EPB41L2: variants seen among roughly 807,000 people sequenced by gnomAD.
The protein encoded by EPB41L2 is band 4.1-like protein 2.
A neutral mutation model predicts 113.0 loss-of-function variants in EPB41L2; 43 were observed. The ratio of observed to expected loss-of-function variants is 0.38; its 90% CI spans 0.30 to 0.49. EPB41L2 has a LOEUF of 0.49. Among genes scored for constraint, EPB41L2 ranks in the 20% least tolerant of loss-of-function variants. The pLI is 0.95. For synonymous variants in EPB41L2, 442 were observed against 436.7 expected, an observed-to-expected ratio of 1.01 and a Z score of -0.15; for missense variants, 1,147 against 1,223.4, an observed-to-expected ratio of 0.94 and a Z score of 0.93.
At chr6:131,036,104 T>G (rs1349377554) in intron 1 of EPB41L2, among the ~76,000 whole-genome samples, 1 of 152,186 alleles carries the variant, frequency 6.6e-6, no homozygotes, top group East Asian at 1.9e-4. Context: ...ATTTTTCTAT[T>G]TGTAATTTCA....
chr6:130,906,838 A>G (rs1156245610), intron 5 of EPB41L2, among the ~76,000 whole-genome samples: 3 of 152,146 alleles, frequency 2.0e-5, no homozygotes, highest in Non-Finnish European at 4.4e-5. Flanking sequence ...CTAAAGCTTC[A>G]TTTCCTCAGC....
intron 1 of EPB41L2, among the ~76,000 whole-genome samples, chr6:131,026,739 C>T (rs1181790349): frequency 3.3e-5 from 5 of 152,166 alleles, no homozygotes; most frequent in Non-Finnish European, 7.3e-5. Context: ...CCATACCACA[C>T]CTTAACAGCT....
At chr6:131,006,743 T>A (rs1438950034) in intron 1 of EPB41L2, among the ~76,000 whole-genome samples, 1 of 152,004 alleles carries the variant, frequency 6.6e-6, no homozygotes, top group African/African-American at 2.4e-5. Context: ...TGGTCATGAC[T>A]CTCTAATACT....
chr6:130,888,497 A>T (rs1791764263), intron 11 of EPB41L2, among the ~76,000 whole-genome samples: 1 of 152,192 alleles, frequency 6.6e-6, no homozygotes, highest in African/African-American at 2.4e-5. Context: ...TGTATACCTC[A>T]AAGAAAATGC....
intron 1 of EPB41L2, among the ~76,000 whole-genome samples, chr6:131,008,783 T>C (rs929076276): frequency 2.6e-5 from 4 of 152,244 alleles, no homozygotes; most frequent in Admixed American, 6.5e-5. Context: ...TACTGCCCTA[T>C]TGGATTTCAA....
At chr6:130,966,445 C>A (rs1775207567) in intron 1 of EPB41L2, among the ~76,000 whole-genome samples, 1 of 152,156 alleles carries the variant, frequency 6.6e-6, no homozygotes, top group African/African-American at 2.4e-5. Flanking sequence ...ACAGACATCA[C>A]ATCTTATAGG....
chr6:130,946,542 T>C (rs1812876489), intron 3 of EPB41L2, among the ~76,000 whole-genome samples: 1 of 152,134 alleles, frequency 6.6e-6, no homozygotes, highest in Non-Finnish European at 1.5e-5. Context: ...GTTGTCTTTA[T>C]CTAATTCCTG....
In EPB41L2 at chr6:130,955,977, A is replaced by T. The variant is rs752805691; in HGVS notation, c.492+17T>A. ...GCTATCAGGTTTTCATTTCCAGGCA[A>T]TTATTCCCAAACATACCTGCATCTC... On this transcript the variant is annotated intron_variant, in intron 2 of 19. Transcript: ENST00000337057. 29 of 1,593,356 alleles carry T rather than the reference A, an allele frequency of 1.8e-5. No individual in the cohort carries two copies. In the South Asian group the frequency reaches 3.3e-4, roughly 18 times the overall value.
chr6:130,904,249 C>T (rs1797088775), intron 6 of EPB41L2, among the ~76,000 whole-genome samples: 1 of 152,038 alleles, frequency 6.6e-6, no homozygotes, highest in Admixed American at 6.5e-5. Context: ...ATTTTCATTA[C>T]TAGAATATAA....
At chr6:130,920,925 C>T (rs947662366) in intron 4 of EPB41L2, among the ~76,000 whole-genome samples, 4 of 152,154 alleles carry the variant, frequency 2.6e-5, no homozygotes, top group African/African-American at 7.2e-5. Flanking sequence ...GTTCCATCTC[C>T]GCTCCCTAGC....
chr6:130,896,304 T>C (rs1794641423), intron 8 of EPB41L2, among the ~76,000 whole-genome samples: 1 of 152,208 alleles, frequency 6.6e-6, no homozygotes, highest in African/African-American at 2.4e-5. Flanking sequence ...TCCAATCAAT[T>C]GCTTTACTCA....
chr6:130,861,839 T>G (rs937565156), intron 18 of EPB41L2, among the ~76,000 whole-genome samples: 1 of 145,364 alleles, frequency 6.9e-6, no homozygotes, highest in Admixed American at 7.2e-5. Flanking sequence ...GCCACTGCAC[T>G]CCAGTCTGGG....
At chr6:130,867,619 G>GTAA in intron 15 of EPB41L2, 38 bp from the exon 16 acceptor site, 1 of 1,610,464 alleles carries the variant, frequency 6.2e-7, no homozygotes, top group Non-Finnish European at 8.5e-7. Flanking sequence ...AATTCTAGAG[G>GTAA]TAATAAAGTA....
At chr6:131,005,896 G>C (rs925796091) in intron 1 of EPB41L2, among the ~76,000 whole-genome samples, 3 of 152,070 alleles carry the variant, frequency 2.0e-5, no homozygotes, top group Admixed American at 6.5e-5. Flanking sequence ...GCTTGGGGAG[G>C]AGTTCATGCT....
chr6:130,984,660 T>G (rs1216560914), intron 1 of EPB41L2, among the ~76,000 whole-genome samples: 1 of 152,226 alleles, frequency 6.6e-6, no homozygotes, highest in Non-Finnish European at 1.5e-5. Flanking sequence ...TAACTGTAAA[T>G]GCATTTTTAA....
chr6:130,851,307 G>A (rs1224352827), intron 19 of EPB41L2, among the ~76,000 whole-genome samples: 1 of 152,164 alleles, frequency 6.6e-6, no homozygotes, highest in African/African-American at 2.4e-5. Context: ...TTAATTTCCT[G>A]TTTGGCTTAT....
At chr6:130,858,403 T>C in intron 18 of EPB41L2, 160 bp from the exon 19 acceptor site, 1 of 544,356 alleles carries the variant, frequency 1.8e-6, no homozygotes, top group Non-Finnish European at 3.3e-6. Context: ...GGGTTCACTG[T>C]CATTTTACAG....
At chr6:130,905,568 G>A (rs766575895) in intron 5 of EPB41L2, among the ~76,000 whole-genome samples, 6 of 151,966 alleles carry the variant, frequency 3.9e-5, no homozygotes, top group South Asian at 2.1e-4. Context: ...ACAGGCATGC[G>A]CTACGATGTC....
chr6:130,847,054 G>A (rs1777258280), intron 19 of EPB41L2, among the ~76,000 whole-genome samples: 1 of 152,144 alleles, frequency 6.6e-6, no homozygotes, highest in African/African-American at 2.4e-5. Flanking sequence ...TATTACTAAA[G>A]GACATGGCAT....
Sources: allele counts gnomAD v4.1 joint callset (sites outside exome capture counted in the v4.1 genomes callset), GRCh38; gene constraint gnomAD v4.1.1; transcripts MANE v1.5; gene names NCBI Gene and HGNC (gene_info 2026-07-23, HGNC 2026-07-21).